The following ARL13B variants were observed in gnomAD, a reference collection of about 807,000 sequenced individuals.
The protein encoded by ARL13B is ADP-ribosylation factor-like protein 13B.
Under a neutral mutation model 56.1 loss-of-function variants are expected in ARL13B, and 36 were observed. The observed-to-expected ratio is 0.64, with a 90% CI of 0.49 to 0.85. The LOEUF (loss-of-function observed/expected upper bound fraction) is 0.85. ARL13B is among the 40% of genes least tolerant of loss of function. ARL13B has a pLI of 0.00. For missense variants in ARL13B, 519 were observed against 507.1 expected (o/e 1.02, Z -0.23); for synonymous variants, 178 against 171.1 (o/e 1.04, Z -0.32).
chr3:94,042,980 T>C (rs1474557068), intron 6 of ARL13B, 35 bp from the exon 7 acceptor site: 2 of 1,512,152 alleles, frequency 1.3e-6, no homozygotes, highest in Non-Finnish European at 1.8e-6. Context: ...GATAAAACCA[T>C]CATAGTAAAG....
chr3:94,034,960 G>T (rs986985380), intron 3 of ARL13B, among the ~76,000 whole-genome samples: 1 of 152,160 alleles, frequency 6.6e-6, no homozygotes, highest in Non-Finnish European at 1.5e-5. Context: ...GTCAGGCCAG[G>T]CATGGTGGAT....
chr3:94,034,637 T>C (rs1393445133), intron 3 of ARL13B, among the ~76,000 whole-genome samples: 1 of 152,122 alleles, frequency 6.6e-6, no homozygotes, highest in East Asian at 1.9e-4. Flanking sequence ...ATATTAAAAG[T>C]TCAGAATGAA....
Position 94,025,817 on chromosome 3 carries a change from C to T in ARL13B, c.381-9514C>T, listed in dbSNP as rs576713037. 7.9e-5 allele frequency among the ~76,000 whole-genome samples: 12 copies of T among 152,260 alleles called. No homozygotes were observed. The South Asian group carries it at 2.5e-3, about 32-fold the overall frequency. ...TCCTGGGCAAGTCAACAGAGTTATTCCTGTCTTTGTATACAGATTATGTTG... is the reference window on the plus strand; with the variant it reads ...TCCTGGGCAAGTCAACAGAGTTATTTCTGTCTTTGTATACAGATTATGTTG... On this transcript the variant is annotated intron_variant, in intron 3 of 9. Transcript: ENST00000394222.
intron 2 of ARL13B, among the ~76,000 whole-genome samples, chr3:94,002,303 G>A (rs1190853133): frequency 2.0e-5 from 3 of 152,016 alleles, no homozygotes; most frequent in Non-Finnish European, 4.4e-5. Flanking sequence ...CTGGCCTCAG[G>A]TGATCCTTCC....
At chr3:94,036,046 C>G (rs2076762013) in intron 4 of ARL13B, among the ~76,000 whole-genome samples, 1 of 152,090 alleles carries the variant, frequency 6.6e-6, no homozygotes, top group Non-Finnish European at 1.5e-5. Flanking sequence ...GCACTCCAGC[C>G]TGGCCAACAG....
intron 7 of ARL13B, among the ~76,000 whole-genome samples, chr3:94,044,423 C>T (rs1426324627): frequency 1.3e-5 from 2 of 149,740 alleles, no homozygotes; most frequent in Non-Finnish European, 3.0e-5. Context: ...TGCCCGGCTG[C>T]CCTGAATGGG....
At position 93,983,651 on chromosome 3, in the gene ARL13B, T is replaced by G. The variant is rs934262568; in HGVS notation, c.59+3169T>G. 1.1e-4 allele frequency among the ~76,000 whole-genome samples: 16 copies of G among 151,840 alleles called. No homozygotes were observed. In the East Asian group the frequency reaches 2.5e-3, roughly 24 times the overall value. On this transcript the variant is annotated intron_variant, in intron 1 of 9. Transcript: ENST00000394222. ...TGCTTTCTGCTTTGAGTTTCTGGGG[T>G]TTTTTTTGTTTTGTTTTGTTTTTAT... is the stretch of plus-strand genomic sequence containing the variant.
intron 3 of ARL13B, among the ~76,000 whole-genome samples, chr3:94,025,154 A>G (rs1217270758): frequency 6.6e-6 from 1 of 152,064 alleles, no homozygotes; most frequent in South Asian, 2.1e-4. Flanking sequence ...TTCCCTGAAC[A>G]TGCACCACAC....
chr3:94,038,948 CTTATTT>C (rs2076816228), intron 5 of ARL13B, among the ~76,000 whole-genome samples: 1 of 152,242 alleles, frequency 6.6e-6, no homozygotes, highest in Middle Eastern at 3.4e-3. Flanking sequence ...CATATGGTAA[CTTATTT>C]TTATAGCCAC....
chr3:94,051,174 TAAA>T (rs992778508), intron 9 of ARL13B, among the ~76,000 whole-genome samples: 7 of 152,092 alleles, frequency 4.6e-5, no homozygotes, highest in African/African-American at 1.7e-4. Context: ...GGAGTTATAA[TAAA>T]AAGGAAATGT....
chr3:94,047,676 G>A (rs2077003954), intron 7 of ARL13B, among the ~76,000 whole-genome samples: 1 of 152,134 alleles, frequency 6.6e-6, no homozygotes, highest in Non-Finnish European at 1.5e-5. Flanking sequence ...GTCTGTGTAA[G>A]CTGAGACCCC....
intron 7 of ARL13B, among the ~76,000 whole-genome samples, chr3:94,046,536 A>G (rs552503665): frequency 5.9e-5 from 9 of 152,242 alleles, no homozygotes; most frequent in Admixed American, 4.6e-4. Flanking sequence ...GCTCTGAGGT[A>G]GTCCATCATA....
intron 5 of ARL13B, among the ~76,000 whole-genome samples, chr3:94,039,316 G>A (rs568172695): frequency 7.5e-4 from 114 of 151,952 alleles, no homozygotes; most frequent in African/African-American, 2.7e-3. Context: ...CTGGCTAATA[G>A]GGTGAAACCC....
At chr3:94,039,499 C>CAAA (rs11437061) in intron 5 of ARL13B, among the ~76,000 whole-genome samples, 151 of 64,608 alleles carry the variant, frequency 2.3e-3, no homozygotes, top group African/African-American at 4.0e-3. Context: ...GACTCCGACT[C>CAAA]AAAAAAAAAA....
intron 3 of ARL13B, among the ~76,000 whole-genome samples, chr3:94,024,511 G>C (rs190636168): frequency 6.6e-6 from 1 of 152,264 alleles, no homozygotes; most frequent in East Asian, 1.9e-4. Context: ...TGGTTGCATG[G>C]TTTGGAACAA....
chr3:94,016,086 A>G (rs1289162504), intron 3 of ARL13B, among the ~76,000 whole-genome samples: 1 of 152,186 alleles, frequency 6.6e-6, no homozygotes, highest in East Asian at 1.9e-4. Flanking sequence ...TAAGAATCAA[A>G]TTGATGTACA....
chr3:94,033,660 A>G (rs2076715431), intron 3 of ARL13B, among the ~76,000 whole-genome samples: 3 of 152,350 alleles, frequency 2.0e-5, no homozygotes, highest in Middle Eastern at 3.4e-3. Flanking sequence ...ATTAAGTGAA[A>G]GATTAATGAG....
chr3:93,999,622 A>C (rs1332718698), intron 2 of ARL13B, among the ~76,000 whole-genome samples: 1 of 152,154 alleles, frequency 6.6e-6, no homozygotes, highest in Non-Finnish European at 1.5e-5. Context: ...ATTATTGACT[A>C]TAGTCTGCCT....
chr3:94,043,782 C>T (rs956876269), intron 7 of ARL13B, among the ~76,000 whole-genome samples: 5 of 142,752 alleles, frequency 3.5e-5, no homozygotes, highest in East Asian at 2.1e-4. Context: ...CTTAGCCTGC[C>T]GAGTGCCTGG....
Sources: allele counts gnomAD v4.1 joint callset (sites outside exome capture counted in the v4.1 genomes callset), GRCh38; gene constraint gnomAD v4.1.1; transcripts MANE v1.5; gene names NCBI Gene and HGNC (gene_info 2026-07-23, HGNC 2026-07-21).